MTCL1: variants seen among roughly 807,000 people sequenced by gnomAD.
MTCL1 encodes microtubule crosslinking factor 1.
MTCL1 carries 79 observed loss-of-function variants against 141.4 expected under a neutral mutation model. That is an observed-to-expected ratio of 0.56 (90% CI 0.47 to 0.67). The LOEUF is 0.67. Among genes scored for constraint, MTCL1 ranks in the 30% least tolerant of loss-of-function variants. The pLI is 0.00. For missense variants in MTCL1, 2,177 were observed against 2,113.9 expected, an observed-to-expected ratio of 1.03 and a Z score of -0.59; for synonymous variants, 914 against 875.8, an observed-to-expected ratio of 1.04 and a Z score of -0.77.
rs1598838861 is a variant in MTCL1 at position 8,828,975 on chromosome 18, C to T, written c.*18+11C>T. ...TGCCCGCCTCACGCTGTAAGTGCTT[C>T]CTTCCTTGTTTCCCAACTGTCTGGA... On this transcript the variant is annotated intron_variant, in intron 16 of 16. Coordinates refer to ENST00000359865, the Ensembl canonical transcript of MTCL1. This position sits in a 1 kb window ranked among gnomAD's most constrained non-coding sequence, Gnocchi z 5.2. 1.2e-6 allele frequency: 2 copies of T among 1,614,198 alleles called. No homozygotes were observed. The highest frequency in any genetic ancestry group is 1.7e-6 in the Non-Finnish European group (2 of 1,180,016).
chr18:8,716,724 G>A (rs2096130784), upstream of MTCL1, among the ~76,000 whole-genome samples: 1 of 152,122 alleles, frequency 6.6e-6, no homozygotes, highest in East Asian at 1.9e-4. Flanking sequence ...TGGACAATTA[G>A]GGTGTCTGAG....
chr18:8,744,273 G>T (rs2096322857), intron 4 of MTCL1, among the ~76,000 whole-genome samples: 1 of 152,236 alleles, frequency 6.6e-6, no homozygotes, highest in South Asian at 2.1e-4. Context: ...TTCTTCTCCT[G>T]TTCTCCCATT....
At chr18:8,713,899 C>T (rs904908194), upstream of MTCL1, among the ~76,000 whole-genome samples, 6 of 152,176 alleles carry the variant, frequency 3.9e-5, no homozygotes, top group African/African-American at 1.4e-4. Context: ...GCCATGGCTG[C>T]ACCACTGCGC....
At chr18:8,729,262 C>T (rs187846467) in intron 4 of MTCL1, among the ~76,000 whole-genome samples, 2 of 148,862 alleles carry the variant, frequency 1.3e-5, no homozygotes, top group East Asian at 4.0e-4. Context: ...TGCCATTTTG[C>T]TCAGTCTGGT....
intron 10 of MTCL1, among the ~76,000 whole-genome samples, chr18:8,803,806 T>G (rs1443105448): frequency 6.6e-6 from 1 of 152,258 alleles, no homozygotes; most frequent in Non-Finnish European, 1.5e-5. Flanking sequence ...TAAATTTTAT[T>G]GAATTCAGTA....
At chr18:8,819,670 AC>A (rs1480882929) in intron 13 of MTCL1, among the ~76,000 whole-genome samples, 1 of 152,008 alleles carries the variant, frequency 6.6e-6, no homozygotes, top group Admixed American at 6.6e-5. Flanking sequence ...GTGTCTGATA[AC>A]GACTCACCAC....
At position 8,821,587 on chromosome 18, in the gene MTCL1, A is replaced by G. The variant is rs1466146027; in HGVS notation, c.3188+89A>G. ...TTTTGTCAATGCAGTCTATTTTACC[A>G]CTCTCTTCAAAATGACTTAAAATTA... is the stretch of plus-strand genomic sequence containing the variant. On this transcript the variant is annotated intron_variant, in intron 14 of 16. Coordinates refer to ENST00000359865, the Ensembl canonical transcript of MTCL1. 1.4e-5 allele frequency: 9 copies of G among 643,200 alleles called. No homozygotes were observed. In the East Asian group the frequency reaches 2.8e-4, roughly 20 times the overall value. 39.8% of individuals were successfully genotyped at this position (643,200 alleles called of 1,614,324 possible).
At chr18:8,825,990 C>G in exon 15 of MTCL1, 29 of 1,601,662 alleles carry the variant, frequency 1.8e-5, no homozygotes, top group Non-Finnish European at 2.5e-5. Context: ...AGGAAGGTCG[C>G]CTAGCCCCAT....
In MTCL1 at chr18:8,830,116, G is replaced by T. The variant is rs543784607; in HGVS notation, c.*18+1152G>T. ...GGGGAGCGCAGACACAAAACACACAGATTTCCCAAACCGTGTGTCCCAGTC... is the reference window on the plus strand; with the variant it reads ...GGGGAGCGCAGACACAAAACACACATATTTCCCAAACCGTGTGTCCCAGTC... On this transcript the variant is annotated intron_variant, in intron 16 of 16. Transcript: ENST00000359865. This position sits in a 1 kb window ranked among gnomAD's most constrained non-coding sequence, Gnocchi z 6.4. The T allele has an allele frequency of 6.8e-5, 67 of 985,352 alleles. No homozygotes were observed. Among genetic ancestry groups the T allele is most frequent in the Middle Eastern group, 5.2e-4 (1 of 1,936 alleles). The allele number at this position is 985,352 out of a possible 1,614,324, so 61.0% of individuals were successfully genotyped here.
exon 6 of MTCL1, chr18:8,783,599 A>G: frequency 1.9e-6 from 3 of 1,613,574 alleles, no homozygotes; most frequent in Non-Finnish European, 2.5e-6. Context: ...GCGCAAAAAG[A>G]TGGCCAAGCT....
At chr18:8,789,374 T>G in intron 7 of MTCL1, 1 of 978,834 alleles carries the variant, frequency 1.0e-6, no homozygotes, top group Non-Finnish European at 1.2e-6. Flanking sequence ...GGTGATGGAA[T>G]TGTCCTAATA....
chr18:8,770,735 T>G (rs2096482058), intron 4 of MTCL1, among the ~76,000 whole-genome samples: 1 of 152,184 alleles, frequency 6.6e-6, no homozygotes, highest in South Asian at 2.1e-4. Context: ...TGGTAGTTGT[T>G]AATATCATTA....
At chr18:8,796,130 G>A in intron 8 of MTCL1, 102 bp from the exon 8 acceptor site, 12 of 1,143,192 alleles carry the variant, frequency 1.0e-5, no homozygotes, top group Non-Finnish European at 1.6e-5. Context: ...CTCATATGCA[G>A]CATGACAGAG....
chr18:8,737,948 C>T (rs897300060), intron 4 of MTCL1, among the ~76,000 whole-genome samples: 3 of 152,312 alleles, frequency 2.0e-5, no homozygotes, highest in Admixed American at 1.3e-4. Context: ...ATGTCAGTCT[C>T]GCCGGAGTGT....
At chr18:8,760,304 C>T (rs1341254252) in intron 4 of MTCL1, among the ~76,000 whole-genome samples, 1 of 152,218 alleles carries the variant, frequency 6.6e-6, no homozygotes, top group African/African-American at 2.4e-5. Flanking sequence ...TCTTCTGAGC[C>T]TGTTCCCTCA....
intron 15 of MTCL1, among the ~76,000 whole-genome samples, chr18:8,826,929 G>A (rs2077045641): frequency 6.6e-6 from 1 of 152,202 alleles, no homozygotes; most frequent in East Asian, 1.9e-4. Context: ...TGGTGTTTTT[G>A]TACACCACTT....
intron 14 of MTCL1, among the ~76,000 whole-genome samples, chr18:8,823,041 G>A (rs2076897775): frequency 6.6e-6 from 1 of 151,720 alleles, no homozygotes. Flanking sequence ...AAAAAAGATA[G>A]ATAGATAGAT....
intron 4 of MTCL1, among the ~76,000 whole-genome samples, chr18:8,755,979 A>T (rs1187395214): frequency 6.6e-6 from 1 of 152,166 alleles, no homozygotes; most frequent in Non-Finnish European, 1.5e-5. Flanking sequence ...GTCTCTATAA[A>T]CAAAAACATT....
In MTCL1 at chr18:8,830,652, T is replaced by A. The variant is rs146201421; in HGVS notation, c.*19-955T>A. 1.5e-4 allele frequency: 146 copies of A among 985,598 alleles called. 2 individuals carry two copies. The East Asian group carries it at 0.012, about 80-fold the overall frequency. 61.1% of individuals were successfully genotyped at this position (985,598 alleles called of 1,614,324 possible). A position where few individuals can be genotyped will look rare whatever the true frequency, so the allele number is the denominator to read the frequency against. On this transcript the variant is annotated intron_variant, in intron 16 of 16. Coordinates refer to ENST00000359865, the Ensembl canonical transcript of MTCL1. The surrounding 1 kb of genome is among the most constrained non-coding windows in gnomAD (Gnocchi z 6.4). The stretch of plus-strand genomic sequence containing the variant: ...GAGGGTCCTTGTTCTCTGTCATCCT[T>A]CCTGTGCCTTCCATTCAGTTCACCT...
Sources: allele counts gnomAD v4.1 joint callset (sites outside exome capture counted in the v4.1 genomes callset), GRCh38; gene constraint gnomAD v4.1.1; non-coding constraint Gnocchi (gnomAD v3.1); transcripts MANE v1.5; gene names NCBI Gene and HGNC (gene_info 2026-07-23, HGNC 2026-07-21).